PDZRN4: variants seen among roughly 807,000 people sequenced by gnomAD.
PDZRN4 encodes the protein PDZ domain containing ring finger 4, also known as PDZ domain-containing RING finger protein 4.
Under a neutral mutation model 99.0 loss-of-function variants are expected in PDZRN4, and 70 were observed. The ratio of observed to expected loss-of-function variants is 0.71; its 90% CI spans 0.58 to 0.86. PDZRN4 has a LOEUF of 0.86. Among genes scored for constraint, PDZRN4 ranks in the 40% least tolerant of loss-of-function variants. PDZRN4 has a pLI of 0.00. For missense variants in PDZRN4, 1,474 were observed against 1,331.2 expected, an observed-to-expected ratio of 1.11 and a Z score of -1.67; for synonymous variants, 551 against 501.6, an observed-to-expected ratio of 1.10 and a Z score of -1.32.
chr12:41,300,547 T>G (rs560248784), intron 3 of PDZRN4, among the ~76,000 whole-genome samples: 2 of 152,120 alleles, frequency 1.3e-5, no homozygotes, highest in South Asian at 4.1e-4. Flanking sequence ...TTTCATAATA[T>G]GTAGGTTTTA....
At chr12:41,515,101 G>A (rs1042955375) in intron 5 of PDZRN4, among the ~76,000 whole-genome samples, 1 of 152,056 alleles carries the variant, frequency 6.6e-6, no homozygotes, top group Admixed American at 6.6e-5. Flanking sequence ...ACTAGCCAGC[G>A]GGGGCTGTCT....
chr12:41,199,825 A>G lies in PDZRN4; in HGVS notation c.843+5637A>G, dbSNP rs76023419. Among the ~76,000 whole-genome samples, 405 of 152,270 alleles carry G rather than the reference A, an allele frequency of 2.7e-3. 8 individuals carry two copies. The highest frequency in any genetic ancestry group is 0.023 in the East Asian group (121 of 5,168). ...GGAGCCAAACAATGTGCACACATGGACATAGAGAGTGGAATAACAGATGTT... is the reference window on the plus strand; with the variant it reads ...GGAGCCAAACAATGTGCACACATGGGCATAGAGAGTGGAATAACAGATGTT... On this transcript the variant is annotated intron_variant, in intron 3 of 9. Coordinates refer to ENST00000402685, the MANE Select transcript of PDZRN4 (RefSeq NM_001164595.2).
At chr12:41,437,959 G>C (rs777509170) in intron 3 of PDZRN4, 1 of 1,614,046 alleles carries the variant, frequency 6.2e-7, no homozygotes, top group Non-Finnish European at 8.5e-7. Context: ...GCTGCAATTT[G>C]TGCACTTTTC....
rs77629985 is a variant in PDZRN4 at position 41,558,634 on chromosome 12, C to A, written c.1365+2874C>A. On this transcript the variant is annotated intron_variant, in intron 7 of 9. Transcript: ENST00000402685. ...GCAGGTAAGTTTTTAGAGAAAATAC[C>A]TGCTAGATAATAAAGCATTTCTTAA... Among the ~76,000 whole-genome samples the A allele has an allele frequency of 8.4e-3, 1,282 of 152,214 alleles. 23 individuals are homozygous for A. The highest frequency in any genetic ancestry group is 0.029 in the African/African-American group (1,198 of 41,522).
chr12:41,411,142 C>T (rs1013918643), intron 3 of PDZRN4, among the ~76,000 whole-genome samples: 1 of 151,612 alleles, frequency 6.6e-6, no homozygotes, highest in Admixed American at 6.6e-5. Context: ...CTTAAGCAGT[C>T]CTCCTGCCTC....
intron 3 of PDZRN4, among the ~76,000 whole-genome samples, chr12:41,310,402 A>C (rs1283254868): frequency 3.9e-5 from 6 of 151,962 alleles, no homozygotes; most frequent in African/African-American, 1.5e-4. Context: ...ATCATATCTC[A>C]CTCTTAACTT....
At chr12:41,368,681 C>A (rs1177750883) in intron 3 of PDZRN4, among the ~76,000 whole-genome samples, 1 of 152,052 alleles carries the variant, frequency 6.6e-6, no homozygotes, top group Non-Finnish European at 1.5e-5. Context: ...CTGCAGATTT[C>A]AGTTGGCATT....
intron 3 of PDZRN4, among the ~76,000 whole-genome samples, chr12:41,407,005 T>G (rs1489604947): frequency 6.6e-6 from 1 of 152,166 alleles, no homozygotes; most frequent in Non-Finnish European, 1.5e-5. Flanking sequence ...GCTACAACCT[T>G]TAGGTGTTCA....
chr12:41,460,874 T>C (rs1952866512), intron 3 of PDZRN4, among the ~76,000 whole-genome samples: 1 of 152,226 alleles, frequency 6.6e-6, no homozygotes, highest in Non-Finnish European at 1.5e-5. Flanking sequence ...TAGAACACTT[T>C]CATGTTGCTC....
At position 41,525,752 on chromosome 12, in the gene PDZRN4, T is replaced by G. The variant is rs146032819; in HGVS notation, c.1203+15839T>G. ...TACCTTGTGGATGATAGGGTCCGAGTACAAGCACTTGAAACATGATTCAGA... is the reference window on the plus strand; with the variant it reads ...TACCTTGTGGATGATAGGGTCCGAGGACAAGCACTTGAAACATGATTCAGA... On this transcript the variant is annotated intron_variant, in intron 5 of 9. Transcript: ENST00000402685. 1.6e-3 allele frequency among the ~76,000 whole-genome samples: 246 copies of G among 152,072 alleles called. 2 individuals are homozygous for G. The highest frequency in any genetic ancestry group is 5.6e-3 in the East Asian group (29 of 5,152).
chr12:41,299,235 T>A (rs1951516229), intron 3 of PDZRN4, among the ~76,000 whole-genome samples: 3 of 151,938 alleles, frequency 2.0e-5, no homozygotes, highest in Admixed American at 1.3e-4. Context: ...TTCTCTGAAA[T>A]GTTCTTGTTT....
chr12:41,323,248 C>T (rs1951691650), intron 3 of PDZRN4, among the ~76,000 whole-genome samples: 1 of 152,010 alleles, frequency 6.6e-6, no homozygotes, highest in Admixed American at 6.6e-5. Context: ...GAGGACATGC[C>T]TTAAAGGAAA....
chr12:41,417,282 T>G (rs1476865315), intron 3 of PDZRN4, among the ~76,000 whole-genome samples: 1 of 152,350 alleles, frequency 6.6e-6, no homozygotes, highest in African/African-American at 2.4e-5. Context: ...GATATTAAAT[T>G]GCCAGATGTT....
chr12:41,252,625 A>G (rs1482265660), intron 3 of PDZRN4, among the ~76,000 whole-genome samples: 1 of 152,140 alleles, frequency 6.6e-6, no homozygotes, highest in African/African-American at 2.4e-5. Flanking sequence ...CTGTAATCCC[A>G]GCTACTAGGG....
chr12:41,317,048 G>GTATATATATATATA (rs33919115), intron 3 of PDZRN4, among the ~76,000 whole-genome samples: 16 of 69,588 alleles, frequency 2.3e-4, no homozygotes, highest in Admixed American at 4.0e-4. Context: ...CTTACATAAA[G>GTATATATATATATA]TATATATATA....
chr12:41,276,524 ACAT>A (rs1951350977), intron 3 of PDZRN4, among the ~76,000 whole-genome samples: 1 of 152,162 alleles, frequency 6.6e-6, no homozygotes, highest in South Asian at 2.1e-4. Context: ...ATATATTCAT[ACAT>A]CATATTTATA....
At chr12:41,462,174 A>C (rs955540707) in intron 3 of PDZRN4, among the ~76,000 whole-genome samples, 2 of 152,214 alleles carry the variant, frequency 1.3e-5, no homozygotes, top group Non-Finnish European at 2.9e-5. Context: ...AGGGTCCTTG[A>C]GGAAAATATC....
rs1178828689 is a variant in PDZRN4 at position 41,188,720 on chromosome 12, G to C, written c.265G>C (p.Gly89Arg). Residue 89 changes from glycine (G) to arginine (R), a missense_variant, in exon 1 of 10, where the codon GGC (glycine) becomes CGC (arginine). Gly to Arg is a moderately radical substitution (Grantham distance 125). Transcript: ENST00000402685. ...GTGCGACTACCGCGCCCGCGGCTGC[G>C]GCCACTCGGTCAGGCTGCACGAGCT... ...VQCDYRARGC[G>R]HSVRLHELEA... The C allele has an allele frequency of 2.6e-6, 4 of 1,557,414 alleles. No individual in the cohort carries two copies. In the African/African-American group the frequency reaches 4.2e-5, roughly 16 times the overall value.
chr12:41,454,989 A>G (rs955435181), intron 3 of PDZRN4, among the ~76,000 whole-genome samples: 2 of 152,228 alleles, frequency 1.3e-5, no homozygotes, highest in Non-Finnish European at 2.9e-5. Flanking sequence ...CATTTTAGCC[A>G]ATTTAAATTT....
Sources: gnomAD v4.1 joint callset for allele counts (sites outside exome capture counted in the v4.1 genomes callset) on GRCh38, gnomAD v4.1.1 for gene constraint, MANE v1.5 for transcripts, NCBI Gene and HGNC (gene_info 2026-07-23, HGNC 2026-07-21) for gene names.